The following SAMMSON variants were observed in gnomAD, a reference collection of about 807,000 sequenced individuals.
SAMMSON encodes the protein survival associated mitochondrial melanoma specific oncogenic non-coding RNA.
chr3:70,393,730 G>A (rs186032418), downstream of SAMMSON, among the ~76,000 whole-genome samples: 3 of 152,162 alleles, frequency 2.0e-5, no homozygotes, highest in South Asian at 4.2e-4. Flanking sequence ...AGGTGCAAAG[G>A]TCTGGAGGTG....
At chr3:70,043,082 T>C (rs1488660914) in intron 3 of SAMMSON, among the ~76,000 whole-genome samples, 1 of 152,162 alleles carries the variant, frequency 6.6e-6, no homozygotes, top group East Asian at 1.9e-4. Flanking sequence ...ATTTCTATTG[T>C]ATTTAGGTCA....
At chr3:70,122,050 A>C (rs1296247231) in intron 4 of SAMMSON, among the ~76,000 whole-genome samples, 4 of 152,112 alleles carry the variant, frequency 2.6e-5, no homozygotes, top group Non-Finnish European at 5.9e-5. Context: ...AAATTATCCT[A>C]TTATACTGTT....
At chr3:70,403,220 A>G (rs1261813848) in intron 2 of SAMMSON, among the ~76,000 whole-genome samples, 5 of 152,194 alleles carry the variant, frequency 3.3e-5, no homozygotes, top group Non-Finnish European at 7.3e-5. Flanking sequence ...AGACAAAAAC[A>G]TATTTGACTT....
chr3:70,132,751 G>A (rs547870694), intron 4 of SAMMSON, among the ~76,000 whole-genome samples: 26 of 147,952 alleles, frequency 1.8e-4, no homozygotes, highest in South Asian at 1.3e-3. Flanking sequence ...AGATCAGCCT[G>A]GGCAACACGA....
intron 2 of SAMMSON, among the ~76,000 whole-genome samples, chr3:70,431,127 A>T (rs1483704232): frequency 1.3e-5 from 2 of 152,108 alleles, no homozygotes; most frequent in Non-Finnish European, 2.9e-5. Flanking sequence ...AGACCATAAA[A>T]ACTTACGAGA....
intron 7 of SAMMSON, among the ~76,000 whole-genome samples, chr3:70,306,146 C>G (rs1010166492): frequency 6.6e-6 from 1 of 152,124 alleles, no homozygotes; most frequent in African/African-American, 2.4e-5. Flanking sequence ...CTCTCTTACT[C>G]AGGCTGGAGT....
At chr3:70,109,187 T>C (rs552996306) in intron 4 of SAMMSON, among the ~76,000 whole-genome samples, 2 of 152,246 alleles carry the variant, frequency 1.3e-5, no homozygotes, top group Admixed American at 6.5e-5. Context: ...AGACATCTGC[T>C]ATTGAAATCA....
At chr3:70,273,422 T>G (rs1293889159) in intron 6 of SAMMSON, among the ~76,000 whole-genome samples, 2 of 152,212 alleles carry the variant, frequency 1.3e-5, no homozygotes, top group Non-Finnish European at 2.9e-5. Context: ...GATCACAGAA[T>G]TGTTTCTCTC....
downstream of SAMMSON, among the ~76,000 whole-genome samples, chr3:70,390,689 C>A (rs117865339): frequency 1.4e-3 from 218 of 152,192 alleles, 3 homozygotes; most frequent in East Asian, 0.014. Flanking sequence ...CCACCAGTCC[C>A]CACCTCCATC....
At chr3:70,384,690 G>T (rs958546518) in intron 9 of SAMMSON, among the ~76,000 whole-genome samples, 1 of 152,044 alleles carries the variant, frequency 6.6e-6, no homozygotes, top group Admixed American at 6.6e-5. Context: ...TAGGTCAGAT[G>T]CAAAGTTCAC....
chr3:70,191,505 G>A (rs1179616787), intron 4 of SAMMSON, among the ~76,000 whole-genome samples: 1 of 152,148 alleles, frequency 6.6e-6, no homozygotes, highest in Non-Finnish European at 1.5e-5. Flanking sequence ...TGTAACCATA[G>A]ATAAATGAGG....
At chr3:70,104,171 A>G (rs574984119) in intron 4 of SAMMSON, among the ~76,000 whole-genome samples, 17 of 152,160 alleles carry the variant, frequency 1.1e-4, no homozygotes. Context: ...CCTCTTCTGA[A>G]TGTGAGAGTC....
chr3:70,310,538 G>A (rs1007932140), intron 7 of SAMMSON, among the ~76,000 whole-genome samples: 3 of 151,692 alleles, frequency 2.0e-5, no homozygotes, highest in South Asian at 2.1e-4. Context: ...ACTGATTTTT[G>A]TATTTTTAGT....
intron 3 of SAMMSON, among the ~76,000 whole-genome samples, chr3:70,019,418 T>A (rs1372411583): frequency 6.6e-6 from 1 of 152,202 alleles, no homozygotes; most frequent in Non-Finnish European, 1.5e-5. Context: ...TGCCTTTTTT[T>A]GTTTTACATT....
chr3:70,137,542 G>C (rs1198094125), intron 4 of SAMMSON: 1 of 152,128 alleles, frequency 6.6e-6, no homozygotes, highest in East Asian at 1.9e-4. Flanking sequence ...CACTCGAGTA[G>C]TTGCAACAGG....
chr3:70,317,723 T>G (rs1702505208), intron 7 of SAMMSON, among the ~76,000 whole-genome samples: 2 of 151,758 alleles, frequency 1.3e-5, no homozygotes, highest in African/African-American at 2.4e-5. Context: ...ATGTTTACTT[T>G]CTAAGTTACC....
intron 4 of SAMMSON, among the ~76,000 whole-genome samples, chr3:70,185,800 G>A (rs1327277426): frequency 1.0e-5 from 1 of 99,192 alleles, no homozygotes; most frequent in East Asian, 2.4e-4. Flanking sequence ...GCAAGACCCC[G>A]CCTCTACAAA....
chr3:70,283,730 T>C (rs1702112066), intron 6 of SAMMSON: 1 of 149,136 alleles, frequency 6.7e-6, no homozygotes, highest in South Asian at 2.1e-4. Context: ...CTTGATTTCA[T>C]ACAGAGTAAC....
At chr3:70,076,857 A>G (rs2067249851) in intron 4 of SAMMSON, among the ~76,000 whole-genome samples, 1 of 152,164 alleles carries the variant, frequency 6.6e-6, no homozygotes, top group Non-Finnish European at 1.5e-5. Context: ...GTTAAATGTA[A>G]TTTCTCGTTA....
Sources: gnomAD v4.1 joint callset for allele counts (sites outside exome capture counted in the v4.1 genomes callset) on GRCh38, gnomAD v4.1.1 for gene constraint, MANE v1.5 for transcripts, NCBI Gene and HGNC (gene_info 2026-07-23, HGNC 2026-07-21) for gene names.